The following NSUN6 variants were observed in gnomAD, a reference collection of about 807,000 sequenced individuals.
The protein encoded by NSUN6 is tRNA (cytosine(72)-C(5))-methyltransferase NSUN6.
A neutral mutation model predicts 58.0 loss-of-function variants in NSUN6; 64 were observed. The observed-to-expected ratio is 1.10, with a 90% CI of 0.90 to 1.36. NSUN6 has a LOEUF of 1.36. NSUN6 is among the 40% of genes most tolerant of loss of function. The probability of loss-of-function intolerance (pLI) is 0.00; values close to 1 mark genes in which losing one functional copy is unlikely to be tolerated. For synonymous variants in NSUN6, 231 were observed against 193.9 expected (o/e 1.19, Z -1.59); for missense variants, 701 against 550.1 (o/e 1.27, Z -2.74).
chr10:18,612,820 G>A (rs1420270680), intron 5 of NSUN6, among the ~76,000 whole-genome samples: 2 of 152,128 alleles, frequency 1.3e-5, no homozygotes, highest in South Asian at 2.1e-4. Flanking sequence ...ATAATGCAAA[G>A]TACAAGATTG....
intron 2 of NSUN6, among the ~76,000 whole-genome samples, chr10:18,645,355 CT>C (rs1221345068): frequency 2.0e-5 from 3 of 151,984 alleles, no homozygotes; most frequent in Admixed American, 2.0e-4. Flanking sequence ...ATAAAATTAC[CT>C]TCAGGCTATG....
intron 8 of NSUN6, 149 bp from the exon 9 acceptor site, chr10:18,552,120 T>A: frequency 5.1e-6 from 3 of 582,964 alleles, no homozygotes; most frequent in Non-Finnish European, 9.0e-6. Flanking sequence ...TAAACTAATT[T>A]TGACTTATAC....
In NSUN6 at chr10:18,648,563, G is replaced by A. The variant is rs372796016; in HGVS notation, c.158C>T (p.Thr53Ile). The A allele has an allele frequency of 3.7e-6, 6 of 1,605,196 alleles. No individual in the cohort carries two copies. Among genetic ancestry groups the A allele is most frequent in the Non-Finnish European group, 4.3e-6 (5 of 1,172,172 alleles). The change falls in exon 2 of 11, where the codon ACA (threonine) becomes ATA (isoleucine). Residue 53 changes from threonine (T) to isoleucine (I), a missense_variant. Thr to Ile is a moderately conservative substitution (Grantham distance 89). Coordinates refer to ENST00000377304, the MANE Select transcript of NSUN6 (RefSeq NM_182543.5). The part of the protein sequence containing the change: ...LKHLSHPPSF[T>I]TVRVNTHLAS... Reference sequence around the variant, plus strand: ...TAAATGTGTATTCACTCTGACAGTTGTAAATGATGGAGGATGTGACAGGTG... The same window carrying A: ...TAAATGTGTATTCACTCTGACAGTTATAAATGATGGAGGATGTGACAGGTG...
chr10:18,566,000 ATC>A (rs1180789241), intron 8 of NSUN6, among the ~76,000 whole-genome samples: 1 of 71,352 alleles, frequency 1.4e-5, no homozygotes, highest in Non-Finnish European at 3.2e-5. Flanking sequence ...TTCCATTACA[ATC>A]CCCATTCCAT....
At chr10:18,623,734 G>C (rs1441780878) in intron 3 of NSUN6, among the ~76,000 whole-genome samples, 1 of 152,166 alleles carries the variant, frequency 6.6e-6, no homozygotes, top group African/African-American at 2.4e-5. Context: ...AACCAACTTT[G>C]CTGCTCATGA....
chr10:18,593,031 A>G (rs1322916488), intron 7 of NSUN6, among the ~76,000 whole-genome samples: 2 of 152,212 alleles, frequency 1.3e-5, no homozygotes, highest in African/African-American at 2.4e-5. Flanking sequence ...AAATCCCATC[A>G]AAAAGTGGAC....
intron 7 of NSUN6, among the ~76,000 whole-genome samples, chr10:18,587,811 A>T (rs2057224421): frequency 6.6e-6 from 1 of 152,068 alleles, no homozygotes; most frequent in East Asian, 1.9e-4. Context: ...TCATGAGCCT[A>T]CACATGGGCC....
chr10:18,559,872 C>A (rs1053853819), intron 8 of NSUN6, among the ~76,000 whole-genome samples: 3 of 130,856 alleles, frequency 2.3e-5, no homozygotes, highest in African/African-American at 5.8e-5. Context: ...GATTTGAATG[C>A]GGAATGGAAT....
At chr10:18,607,037 T>C (rs1341951133) in intron 6 of NSUN6, among the ~76,000 whole-genome samples, 1 of 152,210 alleles carries the variant, frequency 6.6e-6, no homozygotes, top group Non-Finnish European at 1.5e-5. Context: ...GCATGGATAC[T>C]GACAAAAGCA....
In NSUN6 at chr10:18,545,877, A is replaced by C. The variant is rs2054221458; in HGVS notation, c.*56T>G. The C allele has an allele frequency of 9.3e-7, 1 of 1,078,086 alleles. No individual in the cohort carries two copies. Among genetic ancestry groups the C allele is most frequent in the South Asian group, 1.4e-5 (1 of 73,644 alleles). 66.8% of individuals were successfully genotyped at this position (1,078,086 alleles called of 1,614,324 possible). The stretch of plus-strand genomic sequence containing the variant: ...CTGACAACACTTTGGTTAAAAAAAA[A>C]AAAACCACAGACAGCAAATGTTTGG... On this transcript the variant is annotated 3_prime_UTR_variant, in exon 11 of 11. Coordinates refer to ENST00000377304, the MANE Select transcript of NSUN6 (RefSeq NM_182543.5).
chr10:18,588,365 G>A (rs1159712515), intron 7 of NSUN6, among the ~76,000 whole-genome samples: 1 of 152,218 alleles, frequency 6.6e-6, no homozygotes, highest in Non-Finnish European at 1.5e-5. Flanking sequence ...TTTCCAGCCT[G>A]CGGGCTCTGA....
chr10:18,614,585 T>C lies in NSUN6; in HGVS notation c.450A>G (p.Val150=), dbSNP rs1236803861. The C allele has an allele frequency of 2.0e-6, 3 of 1,471,786 alleles. No individual in the cohort carries two copies. The highest frequency in any genetic ancestry group is 1.8e-6 in the Non-Finnish European group (2 of 1,087,610). 91.2% of individuals were successfully genotyped at this position (1,471,786 alleles called of 1,614,324 possible). A position where few individuals can be genotyped will look rare whatever the true frequency, so the allele number is the denominator to read the frequency against. The change falls in exon 5 of 11, where the codon GTA becomes GTG. Residue 150 remains valine, a synonymous_variant. Transcript: ENST00000377304. ...QFMKAGDVIS[V]YSDIKGKCKK... is the part of the protein sequence containing the mutation. ...TACATTTTCCTTTAATATCAGAGTATACAGAAATAACATCTCCAGCTTTCA... is the reference window on the plus strand; with the variant it reads ...TACATTTTCCTTTAATATCAGAGTACACAGAAATAACATCTCCAGCTTTCA...
intron 8 of NSUN6, among the ~76,000 whole-genome samples, chr10:18,582,691 T>C (rs1240487179): frequency 6.6e-6 from 1 of 152,128 alleles, no homozygotes; most frequent in Admixed American, 6.5e-5. Context: ...CAGTGCTCTG[T>C]AATGCCAACT....
At chr10:18,625,987 C>G (rs4614337) in intron 3 of NSUN6, among the ~76,000 whole-genome samples, 4,007 of 152,046 alleles carry the variant, frequency 0.026, 175 homozygotes, top group African/African-American at 0.091. Flanking sequence ...ACTCAGCCAA[C>G]TTGTTTTATA....
At chr10:18,642,048 C>A (rs2059405389) in intron 3 of NSUN6, among the ~76,000 whole-genome samples, 1 of 152,180 alleles carries the variant, frequency 6.6e-6, no homozygotes, top group Non-Finnish European at 1.5e-5. Flanking sequence ...GCCTGGGTAA[C>A]AGAGCAGGAC....
chr10:18,593,209 G>A (rs1393229758), intron 7 of NSUN6, among the ~76,000 whole-genome samples: 1 of 152,208 alleles, frequency 6.6e-6, no homozygotes, highest in Non-Finnish European at 1.5e-5. Flanking sequence ...AACAACAGAT[G>A]CTGGCAAGGA....
chr10:18,621,364 G>C (rs539987615), intron 3 of NSUN6, among the ~76,000 whole-genome samples: 1 of 152,178 alleles, frequency 6.6e-6, no homozygotes, highest in Non-Finnish European at 1.5e-5. Flanking sequence ...AATCATAGCC[G>C]TAAGTACAAG....
upstream of NSUN6, chr10:18,652,158 T>C (rs1049274847): frequency 3.0e-6 from 3 of 985,234 alleles, no homozygotes; most frequent in African/African-American, 5.2e-5. Flanking sequence ...GTTATAAGGC[T>C]AACTGCTACT....
At chr10:18,648,081 G>C (rs1008599415) in intron 2 of NSUN6, among the ~76,000 whole-genome samples, 1 of 152,028 alleles carries the variant, frequency 6.6e-6, no homozygotes, top group African/African-American at 2.4e-5. Flanking sequence ...TAATCTCACA[G>C]GTACTTAGTA....
Sources: allele counts gnomAD v4.1 joint callset (sites outside exome capture counted in the v4.1 genomes callset), GRCh38; gene constraint gnomAD v4.1.1; transcripts MANE v1.5; gene names NCBI Gene and HGNC (gene_info 2026-07-23, HGNC 2026-07-21).